CHN1: variants seen among roughly 807,000 people sequenced by gnomAD.
The protein encoded by CHN1 is N-chimaerin.
CHN1 carries 37 observed loss-of-function variants against 59.5 expected under a neutral mutation model. That is an observed-to-expected ratio of 0.62 (90% CI 0.48 to 0.82). CHN1 has a LOEUF of 0.82. CHN1 is among the 40% of genes least tolerant of loss of function. The pLI, the probability that CHN1 is intolerant of heterozygous loss-of-function variation, is 0.00. For missense variants in CHN1, 469 were observed against 571.0 expected, an observed-to-expected ratio of 0.82 and a Z score of 1.82; for synonymous variants, 206 against 200.4, an observed-to-expected ratio of 1.03 and a Z score of -0.24.
At chr2:174,894,504 C>T (rs950586361) in intron 5 of CHN1, among the ~76,000 whole-genome samples, 1 of 152,132 alleles carries the variant, frequency 6.6e-6, no homozygotes, top group Non-Finnish European at 1.5e-5. Context: ...AAATGGAATG[C>T]TTGTGTACAG....
intron 1 of CHN1, among the ~76,000 whole-genome samples, chr2:174,967,988 G>C (rs889518840): frequency 6.6e-6 from 1 of 152,062 alleles, no homozygotes; most frequent in African/African-American, 2.4e-5. Flanking sequence ...TCTGCAATGC[G>C]GATTCACAGG....
chr2:174,882,279 C>G (rs759081271), intron 5 of CHN1, among the ~76,000 whole-genome samples: 28 of 152,184 alleles, frequency 1.8e-4, no homozygotes, highest in Non-Finnish European at 4.0e-4. Flanking sequence ...ATATCTTTCT[C>G]CAGTGATTCC....
intron 5 of CHN1, among the ~76,000 whole-genome samples, chr2:174,898,917 TTTTG>T (rs200381075): frequency 0.012 from 1,868 of 152,278 alleles, 18 homozygotes; most frequent in Admixed American, 0.019. Context: ...CAAAATATGC[TTTTG>T]TTTGTCTGTT....
intron 7 of CHN1, among the ~76,000 whole-genome samples, chr2:174,836,069 G>A (rs1468761388): frequency 6.6e-6 from 1 of 152,108 alleles, no homozygotes; most frequent in Admixed American, 6.6e-5. Flanking sequence ...CCATACATTT[G>A]AGCTGCTTTG....
At chr2:174,848,469 C>T (rs371375445) in intron 6 of CHN1, among the ~76,000 whole-genome samples, 33 of 152,244 alleles carry the variant, frequency 2.2e-4, no homozygotes, top group African/African-American at 7.7e-4. Context: ...TACGTCCTAT[C>T]ATCTGTTTCT....
rs531515441 is a variant in CHN1, at chr2:175,005,124, G to A, written c.-212C>T. On this transcript the variant is annotated 5_prime_UTR_variant, in exon 1 of 13. Transcript: ENST00000409900. ...CACGCGTTATTGTCGGGCGCACCGG[G>A]CCCAGGGAGCCCCGCTAGCTCTCCG... The A allele has an allele frequency of 2.5e-5, 33 of 1,310,422 alleles. No homozygotes were observed. Among genetic ancestry groups the A allele is most frequent in the East Asian group, 3.3e-5 (1 of 30,304 alleles). 81.2% of individuals were successfully genotyped at this position (1,310,422 alleles called of 1,614,324 possible).
At chr2:174,958,859 T>C (rs969185787) in intron 1 of CHN1, among the ~76,000 whole-genome samples, 8 of 152,182 alleles carry the variant, frequency 5.3e-5, no homozygotes, top group African/African-American at 1.9e-4. Flanking sequence ...AATATTACCA[T>C]ATTAGCCTCA....
rs1326246983 is a variant in CHN1 at position 174,800,197 on chromosome 2, G to C, written c.1299C>G (p.Asp433Glu). The change falls in exon 13 of 13, where the codon GAC (aspartate) becomes GAG (glutamate). Residue 433 changes from aspartate (D) to glutamate (E), a missense_variant. By Grantham distance (45) the Asp-to-Glu change is conservative. This residue lies in a region of CHN1 where 225 missense variants were observed against 289.9 expected (regional missense o/e 0.78). Transcript: ENST00000409900. ...GPTLMRSPEL[D>E]AMAALNDIRY... is the part of the protein sequence containing the mutation. ...GTATATCATTCAATGCAGCCATGGCGTCTAGTTCTGGAGATCTCATAAGGG... is the reference window on the plus strand; with the variant it reads ...GTATATCATTCAATGCAGCCATGGCCTCTAGTTCTGGAGATCTCATAAGGG... 2 of 1,526,022 alleles carry C rather than the reference G, an allele frequency of 1.3e-6. No individual in the cohort carries two copies. Among genetic ancestry groups the C allele is most frequent in the African/African-American group, 2.8e-5 (2 of 71,910 alleles). The allele number at this position is 1,526,022 out of a possible 1,614,324, so 94.5% of individuals were successfully genotyped here.
intron 6 of CHN1, among the ~76,000 whole-genome samples, chr2:174,859,730 T>C (rs1687013592): frequency 6.6e-6 from 1 of 152,178 alleles, no homozygotes; most frequent in African/African-American, 2.4e-5. Context: ...GCCTTCTGAC[T>C]TCCCTATCCT....
intron 6 of CHN1, among the ~76,000 whole-genome samples, chr2:174,848,251 T>C (rs1488934953): frequency 1.3e-5 from 2 of 152,114 alleles, no homozygotes; most frequent in African/African-American, 4.8e-5. Context: ...GGCCAGGTCA[T>C]AGTGGAAGCC....
At chr2:174,811,393 T>G in intron 10 of CHN1, 118 bp downstream of exon 10, 1 of 602,910 alleles carries the variant, frequency 1.7e-6, no homozygotes, top group East Asian at 3.0e-5. Context: ...TTTTTTAATT[T>G]GGTATAATAA....
chr2:174,867,861 A>G (rs923957103), intron 6 of CHN1, among the ~76,000 whole-genome samples: 2 of 152,170 alleles, frequency 1.3e-5, no homozygotes, highest in Admixed American at 6.5e-5. Context: ...TATTAGTTAT[A>G]TTATCTGTCA....
chr2:174,806,128 GGGGA>G (rs1480151984), intron 11 of CHN1, among the ~76,000 whole-genome samples: 2 of 152,138 alleles, frequency 1.3e-5, no homozygotes, highest in African/African-American at 4.8e-5. Flanking sequence ...TTAACTGCAG[GGGGA>G]GGGAGTAAGG....
intron 5 of CHN1, among the ~76,000 whole-genome samples, chr2:174,895,359 C>T (rs934134026): frequency 5.9e-5 from 9 of 151,700 alleles, no homozygotes; most frequent in East Asian, 1.9e-4. Context: ...TCCACTTATA[C>T]GGATATCTAG....
At chr2:174,950,113 A>C (rs1198395803) in intron 2 of CHN1, among the ~76,000 whole-genome samples, 2 of 152,104 alleles carry the variant, frequency 1.3e-5, no homozygotes, top group African/African-American at 4.8e-5. Context: ...TAAAATTTTT[A>C]AAAATCAACC....
chr2:174,993,638 G>GA, intron 1 of CHN1, among the ~76,000 whole-genome samples: 1 of 149,214 alleles, frequency 6.7e-6, no homozygotes, highest in African/African-American at 2.4e-5. Context: ...AAAAAAGAAA[G>GA]AAAAAGGCTT....
chr2:174,812,403 C>T lies in CHN1; in HGVS notation c.792G>A (p.Lys264=). 1 of 1,613,992 alleles carries T rather than the reference C, an allele frequency of 6.2e-7. No homozygotes were observed. The highest frequency in any genetic ancestry group is 1.1e-5 in the South Asian group (1 of 91,080). ...GCGTCGTAAGGTCACAGCTGTACAC[C>T]TTTTTGACATGCTTCAAGTCTGGCT... ...DCKPDLKHVK[K]VYSCDLTTLV... The change falls in exon 9 of 13, where the codon AAG becomes AAA. Residue 264 remains lysine, a synonymous_variant. Coordinates refer to ENST00000409900, the MANE Select transcript of CHN1 (RefSeq NM_001822.7).
intron 1 of CHN1, among the ~76,000 whole-genome samples, chr2:174,960,146 G>A (rs964147645): frequency 6.6e-6 from 1 of 152,176 alleles, no homozygotes; most frequent in Non-Finnish European, 1.5e-5. Context: ...AAAAACATGA[G>A]AGTGTAACAG....
chr2:174,907,679 C>A (rs1324516484), intron 5 of CHN1, among the ~76,000 whole-genome samples: 1 of 142,770 alleles, frequency 7.0e-6, no homozygotes, highest in African/African-American at 2.6e-5. Flanking sequence ...TCAGGTAACT[C>A]AAAAAATACA....
Sources: gnomAD v4.1 joint callset for allele counts (sites outside exome capture counted in the v4.1 genomes callset) on GRCh38, gnomAD v4.1.1 for gene constraint, gnomAD v4.1.1 regional missense constraint, MANE v1.5 for transcripts, NCBI Gene and HGNC (gene_info 2026-07-23, HGNC 2026-07-21) for gene names.